The following PTPRU variants were observed in gnomAD, a reference collection of about 807,000 sequenced individuals.
PTPRU encodes the protein protein tyrosine phosphatase receptor type U.
In PTPRU, 69 loss-of-function variants were observed where a neutral mutation model predicts 166.3. That is an observed-to-expected ratio of 0.41 (90% confidence interval 0.34 to 0.51). The LOEUF is 0.51. PTPRU is among the 20% of genes least tolerant of loss of function. PTPRU has a pLI of 0.09. For synonymous variants in PTPRU, 793 were observed against 814.0 expected, an observed-to-expected ratio of 0.97 and a Z score of 0.44; for missense variants, 1,657 against 2,013.7, an observed-to-expected ratio of 0.82 and a Z score of 3.39.
At position 29,323,669 on chromosome 1, in the gene PTPRU, C is replaced by T. The variant is rs1184560323; in HGVS notation, c.3993C>T (p.Phe1331=). ...EGHLLVRHFQ[F]LRWSAYRDTP... ...ACCTGCTGGTGCGGCACTTCCAGTT[C>T]CTGCGCTGGTCTGCATACCGGGACA... Residue 1331 remains phenylalanine (F), a synonymous_variant, in exon 28 of 30, where the codon TTC becomes TTT. Transcript: ENST00000373779. The T allele has an allele frequency of 6.8e-6, 11 of 1,614,008 alleles. No individual in the cohort carries two copies. Among genetic ancestry groups the T allele is most frequent in the Non-Finnish European group, 9.3e-6 (11 of 1,180,004 alleles).
At chr1:29,258,125 C>G (rs1314722586) in intron 2 of PTPRU, among the ~76,000 whole-genome samples, 1 of 152,152 alleles carries the variant, frequency 6.6e-6, no homozygotes, top group Admixed American at 6.5e-5. Context: ...CTACCACACC[C>G]TGCTAATTTT....
intron 1 of PTPRU, among the ~76,000 whole-genome samples, chr1:29,239,942 C>T (rs1394859888): frequency 1.3e-5 from 2 of 152,176 alleles, no homozygotes; most frequent in African/African-American, 2.4e-5. Flanking sequence ...TATCCCTTGG[C>T]CCTGTTGCTG....
chr1:29,312,608 G>T lies in PTPRU; in HGVS notation c.3129G>T (p.Glu1043Asp). 1 of 1,610,738 alleles carries T rather than the reference G, an allele frequency of 6.2e-7. No homozygotes were observed. Among genetic ancestry groups the T allele is most frequent in the Non-Finnish European group, 8.5e-7 (1 of 1,177,506 alleles). The change falls in exon 22 of 30, where the codon GAG becomes GAT. Residue 1043 changes from glutamate (E) to aspartate (D), a missense_variant. Coordinates refer to ENST00000373779, the MANE Select transcript of PTPRU (RefSeq NM_133178.4). ...VRQFHFTAWP[E>D]HGVPYHATGL... ...AGTTCCACTTCACAGCGTGGCCAGA[G>T]CATGGCGTCCCCTACCATGCCACGG...
chr1:29,292,815 G>GTTT (rs774242717), intron 15 of PTPRU, among the ~76,000 whole-genome samples: 7,879 of 132,892 alleles, frequency 0.059, 481 homozygotes, highest in African/African-American at 0.14. Flanking sequence ...AAATTGTTGT[G>GTTT]TTTTTTTTTT....
At chr1:29,307,917 C>A (rs564730976) in intron 18 of PTPRU, among the ~76,000 whole-genome samples, 1 of 151,866 alleles carries the variant, frequency 6.6e-6, no homozygotes, top group African/African-American at 2.4e-5. Flanking sequence ...TGCACCACCA[C>A]GCCCAGCTAA....
At chr1:29,285,658 A>G (rs774039591) in intron 14 of PTPRU, among the ~76,000 whole-genome samples, 1 of 152,220 alleles carries the variant, frequency 6.6e-6, no homozygotes, top group Non-Finnish European at 1.5e-5. Context: ...GTTCAAGGCC[A>G]TCTAGTCTAG....
At position 29,305,386 on chromosome 1, in the gene PTPRU, G is replaced by A. The variant is rs141019104; in HGVS notation, c.2778G>A (p.Leu926=). ...ACCGAGTGAAACTGCACCCGATGCTGGGAGACCCCAATGCCGACTACATTA... is the reference window on the plus strand; with the variant it reads ...ACCGAGTGAAACTGCACCCGATGCTAGGAGACCCCAATGCCGACTACATTA... The part of the protein sequence containing the change: ...DRHRVKLHPM[L]GDPNADYINA... The change falls in exon 18 of 30, where the codon CTG becomes CTA. Residue 926 remains leucine, a synonymous_variant. Transcript: ENST00000373779. 507 of 1,613,898 alleles carry A rather than the reference G, an allele frequency of 3.1e-4. No individual in the cohort carries two copies. Among genetic ancestry groups the A allele is most frequent in the Non-Finnish European group, 3.8e-4 (449 of 1,180,048 alleles).
rs139349633 is a variant in PTPRU, at chr1:29,303,966, C to T, written c.2588C>T (p.Ala863Val). Residue 863 changes from alanine (A) to valine (V), a missense_variant, in exon 16 of 30, where the codon GCG becomes GTG. Around this residue, in one of 3 missense-constraint regions of PTPRU, gnomAD observed 1,190 missense variants for 1,477.4 expected, o/e 0.81. Coordinates refer to ENST00000373779, the MANE Select transcript of PTPRU (RefSeq NM_133178.4). ...SPYHTGQLHP[A>V]VRVADLLQHI... Reference sequence around the variant, plus strand: ...TACCACACGGGGCAGCTGCACCCTGCGGTGCGTGTCGCAGACCTTCTGCAG... The same window carrying T: ...TACCACACGGGGCAGCTGCACCCTGTGGTGCGTGTCGCAGACCTTCTGCAG... 4.6e-5 allele frequency: 74 copies of T among 1,613,692 alleles called. No individual in the cohort carries two copies. The highest frequency in any genetic ancestry group is 1.7e-4 in the Middle Eastern group (1 of 5,956).
At chr1:29,293,221 A>G (rs1045277321) in intron 15 of PTPRU, among the ~76,000 whole-genome samples, 1 of 151,948 alleles carries the variant, frequency 6.6e-6, no homozygotes, top group Non-Finnish European at 1.5e-5. Flanking sequence ...TAGGTGATCC[A>G]CCCACCTTGG....
chr1:29,258,423 C>G, intron 2 of PTPRU, 82 bp from the exon 3 acceptor site: 1 of 1,465,854 alleles, frequency 6.8e-7, no homozygotes, highest in Non-Finnish European at 9.2e-7. Flanking sequence ...TGCCTGGAGT[C>G]CTCCTCAGTG....
Position 29,284,010 on chromosome 1 carries a change from G to C in PTPRU, c.2179+34G>C, listed in dbSNP as rs60803058. Reference sequence around the variant, plus strand: ...GCTGAGTTCCTGCAGCCTTTCAGCGGCAGGTTTCTCACCTGCCCAGCGCTG... The same window carrying C: ...GCTGAGTTCCTGCAGCCTTTCAGCGCCAGGTTTCTCACCTGCCCAGCGCTG... On this transcript the variant is annotated intron_variant, in intron 13 of 29. Coordinates refer to ENST00000373779, the MANE Select transcript of PTPRU (RefSeq NM_133178.4). The C allele has an allele frequency of 4.0e-4, 649 of 1,612,420 alleles. 4 individuals are homozygous for C. The African/African-American group carries it at 6.7e-3, about 17-fold the overall frequency.
At position 29,280,425 on chromosome 1, in the gene PTPRU, C is replaced by G. The variant is rs150513136; in HGVS notation, c.1868+284C>G. 2.4e-4 allele frequency among the ~76,000 whole-genome samples: 37 copies of G among 152,318 alleles called. No individual in the cohort carries two copies. In the East Asian group the frequency reaches 7.0e-3, roughly 29 times the overall value. On this transcript the variant is annotated intron_variant, in intron 11 of 29. Transcript: ENST00000373779. This position sits in a 1 kb window ranked among gnomAD's most constrained non-coding sequence, Gnocchi z 4.2. ...CAGGCCTGTCCAGGGGGCCTTTCCTCAGACACCTTGGAGAAGTGAAACTCT... is the reference window on the plus strand; with the variant it reads ...CAGGCCTGTCCAGGGGGCCTTTCCTGAGACACCTTGGAGAAGTGAAACTCT...
In PTPRU at chr1:29,280,099, C is replaced by T; in HGVS notation, c.1826C>T (p.Thr609Ile). The T allele has an allele frequency of 6.2e-7, 1 of 1,613,642 alleles. No homozygotes were observed. Among genetic ancestry groups the T allele is most frequent in the African/African-American group, 1.3e-5 (1 of 75,060 alleles). The change falls in exon 11 of 30, where the codon ACC (threonine) becomes ATC (isoleucine). Residue 609 changes from threonine to isoleucine, a missense_variant. Physicochemically the swap from Thr to Ile is moderately conservative, Grantham distance 89. Transcript: ENST00000373779. This position sits in a 1 kb window ranked among gnomAD's most constrained non-coding sequence, Gnocchi z 4.2. ...CTGGGCGAGTCTGAGAACACCATCA[C>T]CGTGCTGCTGAGGCCGGCACAGGGC... ...SPLGESENTI[T>I]VLLRPAQGRG...
chr1:29,269,364 G>A (rs2151948686), intron 7 of PTPRU, among the ~76,000 whole-genome samples: 1 of 145,396 alleles, frequency 6.9e-6, no homozygotes, highest in Admixed American at 7.1e-5. Context: ...CAAAGTGCTG[G>A]GATTACAGAC....
At position 29,309,348 on chromosome 1, in the gene PTPRU, G is replaced by A. The variant is rs116165259; in HGVS notation, c.2821-1396G>A. Among the ~76,000 whole-genome samples the A allele has an allele frequency of 6.7e-3, 1,016 of 152,230 alleles. 10 individuals carry two copies. The highest frequency in any genetic ancestry group is 0.022 in the African/African-American group (930 of 41,554). On this transcript the variant is annotated intron_variant, in intron 18 of 29. Transcript: ENST00000373779. ...GGAGATTTATGTCTCAAGAAAGACTGAGAAGCACCTTCTCAGCGCTCAGAG... is the reference window on the plus strand; with the variant it reads ...GGAGATTTATGTCTCAAGAAAGACTAAGAAGCACCTTCTCAGCGCTCAGAG...
chr1:29,319,020 G>T (rs1688028200), intron 25 of PTPRU, among the ~76,000 whole-genome samples: 1 of 152,168 alleles, frequency 6.6e-6, no homozygotes, highest in Admixed American at 6.5e-5. Context: ...TTTAAAGAGG[G>T]TAACCACCCA....
Position 29,289,557 on chromosome 1 carries a change from G to C in PTPRU, c.2319-2312G>C, listed in dbSNP as rs983386019. ...GGTCCTCCTGACCTGTTCAGTCCCT[G>C]GCCAGCCCCCTCCCCAGCCCGGGAG... On this transcript the variant is annotated intron_variant, in intron 14 of 29. Transcript: ENST00000373779. 7.0e-6 allele frequency: 8 copies of C among 1,142,664 alleles called. No homozygotes were observed. The East Asian group carries it at 2.0e-4, about 29-fold the overall frequency. 70.8% of individuals were successfully genotyped at this position (1,142,664 alleles called of 1,614,324 possible).
intron 15 of PTPRU, among the ~76,000 whole-genome samples, chr1:29,294,694 T>G (rs1414555226): frequency 6.6e-6 from 1 of 152,248 alleles, no homozygotes; most frequent in East Asian, 1.9e-4. Flanking sequence ...TTATAACATT[T>G]TACATTTTAT....
chr1:29,282,652 C>T, intron 11 of PTPRU, 24 bp from the exon 12 acceptor site: 2 of 1,606,424 alleles, frequency 1.2e-6, no homozygotes, highest in Non-Finnish European at 1.7e-6. Context: ...CTGTGATCCC[C>T]TGTACGCTCT....
Sources: gnomAD v4.1 joint callset for allele counts (sites outside exome capture counted in the v4.1 genomes callset) on GRCh38, gnomAD v4.1.1 for gene constraint, gnomAD v4.1.1 regional missense constraint, Gnocchi (gnomAD v3.1) non-coding constraint, MANE v1.5 for transcripts, NCBI Gene and HGNC (gene_info 2026-07-23, HGNC 2026-07-21) for gene names.